KIF26B: variants seen among roughly 807,000 people sequenced by gnomAD.
KIF26B encodes the protein kinesin-like protein KIF26B.
In KIF26B, 63 loss-of-function variants were observed where a neutral mutation model predicts 151.2. That is an observed-to-expected ratio of 0.42 (90% CI 0.34 to 0.51). The LOEUF is 0.51. Among genes scored for constraint, KIF26B ranks in the 20% least tolerant of loss-of-function variants. The pLI is 0.07. For synonymous variants in KIF26B, 1,357 were observed against 1,262.1 expected (o/e 1.08, Z -1.59); for missense variants, 2,813 against 2,913.6 (o/e 0.97, Z 0.79).
chr1:245,539,942 C>T (rs372392763), intron 4 of KIF26B, among the ~76,000 whole-genome samples: 15 of 152,236 alleles, frequency 9.9e-5, no homozygotes, highest in South Asian at 4.2e-4. Context: ...TGTGAGCCAC[C>T]GTGCCTGGCC....
chr1:245,612,828 C>G (rs2043543769), intron 9 of KIF26B, among the ~76,000 whole-genome samples: 1 of 152,162 alleles, frequency 6.6e-6, no homozygotes, highest in Non-Finnish European at 1.5e-5. Flanking sequence ...GGTGCCTGCT[C>G]TTCGAGTGAG....
At chr1:245,296,822 A>C (rs932866906) in intron 2 of KIF26B, among the ~76,000 whole-genome samples, 2 of 152,148 alleles carry the variant, frequency 1.3e-5, no homozygotes, top group Non-Finnish European at 2.9e-5. Flanking sequence ...TTCTGGCCTC[A>C]TCTCAGGACT....
intron 4 of KIF26B, among the ~76,000 whole-genome samples, chr1:245,453,867 A>C (rs980025923): frequency 6.6e-6 from 1 of 152,220 alleles, no homozygotes; most frequent in East Asian, 1.9e-4. Context: ...TATTAAAGTA[A>C]CAGCCCAGCG....
rs1203808197 is a variant in KIF26B at position 245,597,395 on chromosome 1, G to A, written c.1351-5182G>A. On this transcript the variant is annotated intron_variant, in intron 5 of 14. Transcript: ENST00000407071. The surrounding 1 kb of genome is among the most constrained non-coding windows in gnomAD (Gnocchi z 4.6). ...ATTTCTCCTTTGCTTATGAAGCTTA[G>A]TTTGGCTGGATATGAAATTCTGGGT... 6.6e-6 allele frequency among the ~76,000 whole-genome samples: 1 copy of A among 152,168 alleles called. No individual in the cohort carries two copies. The highest frequency in any genetic ancestry group is 2.4e-5 in the African/African-American group (1 of 41,428).
chr1:245,436,191 A>AG (rs1572060302), intron 4 of KIF26B, among the ~76,000 whole-genome samples: 1 of 151,740 alleles, frequency 6.6e-6, no homozygotes, highest in African/African-American at 2.4e-5. Context: ...AAAAAAAAAA[A>AG]GAGTTTTCTT....
intron 5 of KIF26B, among the ~76,000 whole-genome samples, chr1:245,586,608 G>A (rs2043227416): frequency 6.6e-6 from 1 of 152,124 alleles, no homozygotes; most frequent in African/African-American, 2.4e-5. Flanking sequence ...AACAGGCCGG[G>A]CGCGGTGGCT....
intron 12 of KIF26B, among the ~76,000 whole-genome samples, chr1:245,689,484 A>G (rs1431378733): frequency 6.6e-6 from 1 of 152,208 alleles, no homozygotes; most frequent in Non-Finnish European, 1.5e-5. Flanking sequence ...CACACCTGCC[A>G]CAGGGCCTGC....
rs771791703 is a variant in KIF26B, at chr1:245,687,474, G to A, written c.4491G>A (p.Val1497=). The A allele has an allele frequency of 2.5e-6, 4 of 1,585,406 alleles. No individual in the cohort carries two copies. The highest frequency in any genetic ancestry group is 3.4e-6 in the Non-Finnish European group (4 of 1,166,326). The change falls in exon 12 of 15, where the codon GTG becomes GTA. Residue 1497 remains valine (V), a synonymous_variant. Transcript: ENST00000407071. The surrounding 1 kb of genome is among the most constrained non-coding windows in gnomAD (Gnocchi z 4.9). ...GDRLSSSSGE[V]SASPVTDNFR... ...GGCTCAGCAGCAGCAGCGGAGAGGT[G>A]TCGGCCTCCCCGGTCACTGACAACT... is the stretch of plus-strand genomic sequence containing the variant.
intron 9 of KIF26B, among the ~76,000 whole-genome samples, chr1:245,637,946 G>A (rs2043852606): frequency 6.6e-6 from 1 of 151,828 alleles, no homozygotes; most frequent in African/African-American, 2.4e-5. Flanking sequence ...GATGTTTCCA[G>A]CCTGGTTATT....
intron 2 of KIF26B, among the ~76,000 whole-genome samples, chr1:245,179,417 A>C (rs1668865697): frequency 6.6e-6 from 1 of 152,122 alleles, no homozygotes; most frequent in South Asian, 2.1e-4. Flanking sequence ...TGAGGTCAGG[A>C]GTTTGAGACC....
intron 4 of KIF26B, among the ~76,000 whole-genome samples, chr1:245,466,652 G>A (rs1209286814): frequency 1.3e-5 from 2 of 152,226 alleles, no homozygotes; most frequent in African/African-American, 4.8e-5. Flanking sequence ...CCGGCTGGGC[G>A]TGGTGGCTCA....
Position 245,669,350 on chromosome 1 carries a change from AAAAGGC to A in KIF26B, c.2259-14880_2259-14875del, listed in dbSNP as rs1382509993. Among the ~76,000 whole-genome samples the A allele has an allele frequency of 9.8e-5, 15 of 152,334 alleles. No individual in the cohort carries two copies. In the South Asian group the frequency reaches 2.5e-3, roughly 25 times the overall value. On this transcript the variant is annotated intron_variant, in intron 10 of 14. Coordinates refer to ENST00000407071, the MANE Select transcript of KIF26B (RefSeq NM_018012.4). The stretch of plus-strand genomic sequence containing the variant: ...ACTGATGAAGTATTCCCTACAAATG[AAAAGGC>A]AATCTTATATGACAAAGGACACTAT...
At chr1:245,259,340 C>T (rs1331853222) in intron 2 of KIF26B, among the ~76,000 whole-genome samples, 1 of 152,148 alleles carries the variant, frequency 6.6e-6, no homozygotes, top group African/African-American at 2.4e-5. Flanking sequence ...CCTCCCCGCC[C>T]CACCACATCC....
At chr1:245,417,840 A>G (rs567739949) in intron 3 of KIF26B, among the ~76,000 whole-genome samples, 1 of 152,364 alleles carries the variant, frequency 6.6e-6, no homozygotes, top group Non-Finnish European at 1.5e-5. Context: ...GGGCACCTGC[A>G]GGACAGTTTG....
chr1:245,167,021 T>C lies in KIF26B; in HGVS notation c.465+10338T>C, dbSNP rs750069343. On this transcript the variant is annotated intron_variant, in intron 2 of 14. Coordinates refer to ENST00000407071, the MANE Select transcript of KIF26B (RefSeq NM_018012.4). The surrounding 1 kb of genome is among the most constrained non-coding windows in gnomAD (Gnocchi z 4.2). ...TATGTCTTAAGTGTTATAGACCAGG[T>C]TACAGCTGAGGGACTATTTTGATTT... 3.0e-4 allele frequency among the ~76,000 whole-genome samples: 45 copies of C among 152,336 alleles called. No homozygotes were observed. The highest frequency in any genetic ancestry group is 6.8e-3 in the Middle Eastern group (2 of 294).
intron 5 of KIF26B, among the ~76,000 whole-genome samples, chr1:245,553,566 G>A (rs1040270592): frequency 6.6e-6 from 1 of 152,092 alleles, no homozygotes; most frequent in African/African-American, 2.4e-5. Context: ...TATATGGATT[G>A]CCGTGTGACT....
intron 2 of KIF26B, among the ~76,000 whole-genome samples, chr1:245,260,920 C>G (rs1014849062): frequency 6.6e-6 from 1 of 152,208 alleles, no homozygotes; most frequent in African/African-American, 2.4e-5. Flanking sequence ...TCTGTAGATG[C>G]TTATTGATGA....
Position 245,706,599 on chromosome 1 carries a change from G to C in KIF26B, c.*3993G>C, listed in dbSNP as rs565080606. The C allele has an allele frequency of 3.9e-5, 6 of 152,318 alleles. No homozygotes were observed. In the East Asian group the frequency reaches 7.7e-4, roughly 20 times the overall value. The allele number at this position is 152,318 out of a possible 1,614,324, so 9.4% of individuals were successfully genotyped here. On this transcript the variant is annotated 3_prime_UTR_variant, in exon 15 of 15. Transcript: ENST00000407071. The stretch of plus-strand genomic sequence containing the variant: ...GTAACCCATTCTTGGAGCACACACA[G>C]AGTCCCTCGCTTCTAAAGACAATAC...
chr1:245,274,926 T>G (rs1012367267), intron 2 of KIF26B, among the ~76,000 whole-genome samples: 1 of 152,228 alleles, frequency 6.6e-6, no homozygotes, highest in African/African-American at 2.4e-5. Context: ...GTTGAACTAA[T>G]TTACACTCCC....
Sources: gnomAD v4.1 joint callset for allele counts (sites outside exome capture counted in the v4.1 genomes callset) on GRCh38, gnomAD v4.1.1 for gene constraint, Gnocchi (gnomAD v3.1) non-coding constraint, MANE v1.5 for transcripts, NCBI Gene and HGNC (gene_info 2026-07-23, HGNC 2026-07-21) for gene names.